The following TLN2 variants were observed in gnomAD, a reference collection of about 807,000 sequenced individuals.
TLN2 encodes the protein talin 2, also known as talin-2.
In TLN2, 118 loss-of-function variants were observed where a neutral mutation model predicts 294.7. The observed-to-expected ratio is 0.40, with a 90% CI of 0.34 to 0.47. The LOEUF (loss-of-function observed/expected upper bound fraction) is 0.47. Among genes scored for constraint, TLN2 ranks in the 20% least tolerant of loss-of-function variants. The probability of loss-of-function intolerance (pLI) is 0.84; values close to 1 mark genes in which losing one functional copy is unlikely to be tolerated. For missense variants in TLN2, 3,083 were observed against 3,282.2 expected, an observed-to-expected ratio of 0.94 and a Z score of 1.48; for synonymous variants, 1,431 against 1,304.5, an observed-to-expected ratio of 1.10 and a Z score of -2.09.
chr15:62,634,755 G>A (rs974702547), intron 3 of TLN2, among the ~76,000 whole-genome samples: 2 of 152,174 alleles, frequency 1.3e-5, no homozygotes, highest in Admixed American at 1.3e-4. Flanking sequence ...TGTAATTCGG[G>A]TTCGATCTGG....
chr15:62,647,338 G>A lies in TLN2; in HGVS notation c.28G>A (p.Val10Met). MVALSLKIC[V>M]RHCNVVKTMQ... ...GGTGGCCCTGTCCTTAAAGATTTGT[G>A]TGCGCCACTGCAACGTGGTGAAGAC... is the stretch of plus-strand genomic sequence containing the variant. The change falls in exon 4 of 59, where the codon GTG becomes ATG. Residue 10 changes from valine to methionine, a missense_variant. Val to Met is a conservative substitution (Grantham distance 21). Transcript: ENST00000636159. 1 of 1,614,072 alleles carries A rather than the reference G, an allele frequency of 6.2e-7. No individual in the cohort carries two copies. The highest frequency in any genetic ancestry group is 8.5e-7 in the Non-Finnish European group (1 of 1,180,002).
intron 50 of TLN2, 110 bp from the exon 51 acceptor site, chr15:62,805,490 C>A: frequency 8.5e-7 from 1 of 1,176,550 alleles, no homozygotes; most frequent in East Asian, 2.6e-5. Flanking sequence ...CAGTTTCTTC[C>A]AGTTACTGGC....
chr15:62,612,319 C>A (rs2047984266), intron 2 of TLN2, among the ~76,000 whole-genome samples: 1 of 152,042 alleles, frequency 6.6e-6, no homozygotes, highest in African/African-American at 2.4e-5. Context: ...TTCTGTATAC[C>A]ATGGTCAGTG....
At chr15:62,585,830 G>A (rs1567145066) in intron 1 of TLN2, among the ~76,000 whole-genome samples, 2 of 152,110 alleles carry the variant, frequency 1.3e-5, no homozygotes, top group Non-Finnish European at 2.9e-5. Context: ...CTGTCTCAGC[G>A]TTCTCTAGGG....
intron 28 of TLN2, among the ~76,000 whole-genome samples, chr15:62,731,963 G>T (rs1320596905): frequency 1.3e-5 from 2 of 152,242 alleles, no homozygotes; most frequent in East Asian, 3.9e-4. Context: ...CAAAGTTATA[G>T]TACAGTATAT....
chr15:62,759,164 C>T (rs79544890), intron 37 of TLN2, among the ~76,000 whole-genome samples: 114 of 152,332 alleles, frequency 7.5e-4, no homozygotes, highest in Non-Finnish European at 1.1e-3. Flanking sequence ...GAAATGTCAC[C>T]ACTGGGCAGC....
rs2033576113 is a variant in TLN2, at chr15:62,408,668, A to G, written c.-238+17983A>G. 2.6e-5 allele frequency among the ~76,000 whole-genome samples: 4 copies of G among 152,160 alleles called. No homozygotes were observed. The South Asian group carries it at 8.3e-4, about 32-fold the overall frequency. On this transcript the variant is annotated intron_variant, in intron 1 of 58. Coordinates refer to ENST00000636159, the MANE Select transcript of TLN2 (RefSeq NM_015059.3). ...ATACATGGTTTCTTAGCTAAGGGTT[A>G]TGTTTCTTAGAGTGTAGTCTTTGGA...
intron 1 of TLN2, among the ~76,000 whole-genome samples, chr15:62,403,507 A>G (rs2033171637): frequency 6.6e-6 from 1 of 152,198 alleles, no homozygotes; most frequent in African/African-American, 2.4e-5. Flanking sequence ...TGTTGGGATT[A>G]CAGGCATGAG....
At chr15:62,788,144 C>G (rs2064827660) in intron 45 of TLN2, among the ~76,000 whole-genome samples, 1 of 151,560 alleles carries the variant, frequency 6.6e-6, no homozygotes, top group Admixed American at 6.6e-5. Flanking sequence ...AACCCTGTCT[C>G]TACTACAAAT....
At chr15:62,552,860 G>GC (rs568283209) in intron 1 of TLN2, among the ~76,000 whole-genome samples, 1 of 152,340 alleles carries the variant, frequency 6.6e-6, no homozygotes, top group African/African-American at 2.4e-5. Flanking sequence ...TCCCCTAGGA[G>GC]CAGAGGTTCA....
At chr15:62,447,404 A>T (rs1448098766) in intron 1 of TLN2, among the ~76,000 whole-genome samples, 1 of 151,964 alleles carries the variant, frequency 6.6e-6, no homozygotes, top group Non-Finnish European at 1.5e-5. Flanking sequence ...GAGACAAGTG[A>T]ATGGAATGGA....
At chr15:62,514,799 G>A (rs953090033) in intron 1 of TLN2, among the ~76,000 whole-genome samples, 2 of 152,196 alleles carry the variant, frequency 1.3e-5, no homozygotes, top group Admixed American at 6.5e-5. Context: ...CTAATGAGAA[G>A]AGTTAAATCA....
chr15:62,730,362 T>C (rs2060655118), intron 28 of TLN2, among the ~76,000 whole-genome samples: 1 of 152,144 alleles, frequency 6.6e-6, no homozygotes, highest in Non-Finnish European at 1.5e-5. Flanking sequence ...TCTAGGTATA[T>C]TTTCATCTCC....
intron 1 of TLN2, among the ~76,000 whole-genome samples, chr15:62,514,120 T>G (rs1330840929): frequency 6.6e-6 from 1 of 152,192 alleles, no homozygotes; most frequent in Non-Finnish European, 1.5e-5. Flanking sequence ...TGCTTTACTT[T>G]GGTCACCAGT....
chr15:62,655,986 T>C lies in TLN2; in HGVS notation c.560T>C (p.Val187Ala). Residue 187 changes from valine to alanine, a missense_variant, in exon 8 of 59, where the codon GTA becomes GCA. Val to Ala is a moderately conservative substitution (Grantham distance 64). Coordinates refer to ENST00000636159, the MANE Select transcript of TLN2 (RefSeq NM_015059.3). ...DHSRTFREQGVDENETLLLRR... is the reference protein window; with the variant it reads ...DHSRTFREQGADENETLLLRR... ...AGCCGAACATTCAGAGAACAAGGAG[T>C]AGATGAAAACGAAACGTTGCTGCTT... 4.3e-6 allele frequency: 7 copies of C among 1,614,008 alleles called. No individual in the cohort carries two copies. Among genetic ancestry groups the C allele is most frequent in the Non-Finnish European group, 5.9e-6 (7 of 1,179,994 alleles).
At chr15:62,820,382 C>A in intron 53 of TLN2, 104 bp from the exon 54 acceptor site, 2 of 1,330,276 alleles carry the variant, frequency 1.5e-6, no homozygotes, top group Non-Finnish European at 2.0e-6. Context: ...GCAGGTCAGG[C>A]TCCTGGAGCC....
intron 9 of TLN2, 185 bp downstream of exon 9, chr15:62,658,083 A>T (rs1456606805): frequency 4.0e-6 from 2 of 503,890 alleles, no homozygotes; most frequent in Middle Eastern, 5.3e-4. Flanking sequence ...AGAAATTCAG[A>T]AGTTTCTTTT....
intron 37 of TLN2, among the ~76,000 whole-genome samples, chr15:62,756,108 A>G (rs150275974): frequency 6.6e-6 from 1 of 152,190 alleles, no homozygotes; most frequent in Admixed American, 6.5e-5. Flanking sequence ...ATATATCTGG[A>G]CCAAGAGAGT....
At chr15:62,777,528 C>CT (rs1338664359) in intron 43 of TLN2, among the ~76,000 whole-genome samples, 2 of 86,326 alleles carry the variant, frequency 2.3e-5, no homozygotes, top group African/African-American at 7.5e-5. Context: ...GAGCGAAACT[C>CT]TCAAAAAAAA....
Sources: allele counts gnomAD v4.1 joint callset (sites outside exome capture counted in the v4.1 genomes callset), GRCh38; gene constraint gnomAD v4.1.1; transcripts MANE v1.5; gene names NCBI Gene and HGNC (gene_info 2026-07-23, HGNC 2026-07-21).